ABI3BP: variants seen among roughly 807,000 people sequenced by gnomAD.
ABI3BP encodes ABI family member 3 binding protein.
A neutral mutation model predicts 268.6 loss-of-function variants in ABI3BP; 216 were observed. The ratio of observed to expected loss-of-function variants is 0.80; its 90% CI spans 0.72 to 0.90. ABI3BP has a LOEUF of 0.90. ABI3BP is among the 40% of genes least tolerant of loss of function. The pLI is 0.00. For synonymous variants in ABI3BP, 730 were observed against 730.0 expected (o/e 1.00, Z 0.00); for missense variants, 2,090 against 2,182.4 (o/e 0.96, Z 0.84).
Position 100,775,243 on chromosome 3 carries a change from T to TTA in ABI3BP, c.4424_4425dup (p.Lys1476Ter). 6.2e-7 allele frequency: 1 copy of TTA among 1,612,096 alleles called. No individual in the cohort carries two copies. Among genetic ancestry groups the TTA allele is most frequent in the Non-Finnish European group, 8.5e-7 (1 of 1,179,072 alleles). On this transcript the variant is annotated frameshift_variant, in exon 60 of 68. Transcript: ENST00000471714. LOFTEE classifies it high-confidence loss of function. ...CCAGAGGCAGGAACTGTTGGTTGCT[T>TTA]TATATCTGTCTCTATTCTCTCCAAG...
chr3:100,769,549 G>A (rs897868835), intron 62 of ABI3BP, among the ~76,000 whole-genome samples: 3 of 152,150 alleles, frequency 2.0e-5, no homozygotes, highest in African/African-American at 2.4e-5. Context: ...TCAATGTTCC[G>A]TATCTTTAAG....
intron 30 of ABI3BP, among the ~76,000 whole-genome samples, chr3:100,832,764 G>GC (rs1471971692): frequency 2.8e-5 from 3 of 106,906 alleles, no homozygotes; most frequent in African/African-American, 1.9e-4. Context: ...CATCAATAAA[G>GC]CAAAAAAAAT....
intron 61 of ABI3BP, among the ~76,000 whole-genome samples, chr3:100,772,542 ATAAAT>A (rs1415571860): frequency 2.6e-5 from 4 of 152,330 alleles, no homozygotes; most frequent in African/African-American, 9.6e-5. Flanking sequence ...GCAGATTGTG[ATAAAT>A]TAAAGATACA....
At chr3:100,780,403 T>C (rs1258875069) in intron 57 of ABI3BP, among the ~76,000 whole-genome samples, 194 bp from the exon 58 acceptor site, 2 of 152,168 alleles carry the variant, frequency 1.3e-5, no homozygotes, top group African/African-American at 4.8e-5. Flanking sequence ...GTTGTGATGT[T>C]TTCTCTGTAG....
Position 100,771,932 on chromosome 3 carries a change from A to G in ABI3BP, c.4532-980T>C, listed in dbSNP as rs550767324. 2.0e-5 allele frequency among the ~76,000 whole-genome samples: 3 copies of G among 152,324 alleles called. No homozygotes were observed. In the South Asian group the frequency reaches 6.2e-4, roughly 32 times the overall value. On this transcript the variant is annotated intron_variant, in intron 61 of 67. Coordinates refer to ENST00000471714, the MANE Select transcript of ABI3BP (RefSeq NM_001375547.2). Reference sequence around the variant, plus strand: ...TCAAAGATACCTAGAAACAACAAAAATGTAGAAAACTATATGCCAGTCATA... The same window carrying G: ...TCAAAGATACCTAGAAACAACAAAAGTGTAGAAAACTATATGCCAGTCATA...
intron 9 of ABI3BP, among the ~76,000 whole-genome samples, chr3:100,871,523 G>A (rs1370060458): frequency 4.6e-5 from 7 of 152,050 alleles, no homozygotes; most frequent in African/African-American, 1.7e-4. Flanking sequence ...GAATCATCAG[G>A]GCAGGTCTTT....
At chr3:100,911,156 T>C (rs1177369121) in intron 2 of ABI3BP, 11 of 388,632 alleles carry the variant, frequency 2.8e-5, no homozygotes, top group Non-Finnish European at 3.0e-5. Flanking sequence ...TCTAAGGCTT[T>C]ATGCTTAATC....
chr3:100,834,326 G>GT (rs1231661354), intron 29 of ABI3BP, among the ~76,000 whole-genome samples: 5 of 152,016 alleles, frequency 3.3e-5, no homozygotes, highest in African/African-American at 9.7e-5. Flanking sequence ...TAAGTCATTT[G>GT]TTTTTTTCTA....
rs1055294681 is a variant in ABI3BP at position 100,926,581 on chromosome 3, A to G, written c.80-100T>C. 2.0e-5 allele frequency: 22 copies of G among 1,117,950 alleles called. No individual in the cohort carries two copies. The Middle Eastern group carries it at 6.1e-4, about 31-fold the overall frequency. The allele number at this position is 1,117,950 out of a possible 1,614,324, so 69.3% of individuals were successfully genotyped here. ...TTGGTGGCTAGAGGCATTGTTCTTG[A>G]AAAACATGTTGTCTACTTTGCTACT... On this transcript the variant is annotated intron_variant, in intron 1 of 67. Coordinates refer to ENST00000471714, the MANE Select transcript of ABI3BP (RefSeq NM_001375547.2).
intron 27 of ABI3BP, among the ~76,000 whole-genome samples, chr3:100,836,121 T>A (rs1399669874): frequency 6.6e-6 from 1 of 152,188 alleles, no homozygotes; most frequent in Non-Finnish European, 1.5e-5. Context: ...GTCTTGTACG[T>A]TTTATTTGTA....
chr3:100,907,994 T>C (rs1326591725), intron 2 of ABI3BP, among the ~76,000 whole-genome samples: 13 of 151,898 alleles, frequency 8.6e-5, no homozygotes. Context: ...TGGGTGCCTG[T>C]TGTCCCAACT....
intron 59 of ABI3BP, among the ~76,000 whole-genome samples, chr3:100,775,886 G>A (rs1316051431): frequency 2.0e-5 from 3 of 152,112 alleles, no homozygotes; most frequent in African/African-American, 7.2e-5. Context: ...GTAGGCAAGA[G>A]AAAGGAAGGT....
Position 100,788,764 on chromosome 3 carries a change from C to T in ABI3BP, c.4087+690G>A, listed in dbSNP as rs114333764. ...ATTATTGTTATAAAGATGCATTCCC[C>T]GAGAACATTCATTCGTAGCAGGTTT... On this transcript the variant is annotated intron_variant, in intron 56 of 67. Transcript: ENST00000471714. 4.3e-3 allele frequency among the ~76,000 whole-genome samples: 649 copies of T among 151,950 alleles called. 6 individuals carry two copies. Among genetic ancestry groups the T allele is most frequent in the Non-Finnish European group, 6.5e-3 (443 of 67,916 alleles).
At chr3:100,977,058 C>T (rs1158196009) in intron 1 of ABI3BP, among the ~76,000 whole-genome samples, 1 of 152,128 alleles carries the variant, frequency 6.6e-6, no homozygotes, top group Non-Finnish European at 1.5e-5. Context: ...CATTTATGCT[C>T]AGTTTTTTTG....
chr3:100,828,293 C>A, intron 34 of ABI3BP, 100 bp downstream of exon 34: 1 of 1,116,396 alleles, frequency 9.0e-7, no homozygotes, highest in Non-Finnish European at 1.3e-6. Flanking sequence ...CATGTTCAAC[C>A]GTTACAAAAC....
chr3:100,931,568 C>G (rs567886514), intron 1 of ABI3BP, among the ~76,000 whole-genome samples: 4 of 151,888 alleles, frequency 2.6e-5, no homozygotes, highest in Non-Finnish European at 4.4e-5. Context: ...AATGTCCAAA[C>G]GAAGGGCCAA....
chr3:100,974,219 AC>A lies in ABI3BP; in HGVS notation c.79+19086del, dbSNP rs533403321. Among the ~76,000 whole-genome samples, 48 of 152,344 alleles carry A rather than the reference AC, an allele frequency of 3.2e-4. 1 individual carries two copies. The South Asian group carries it at 8.9e-3, about 28-fold the overall frequency. ...AGTTTGATGTTTCTTATAAACAAAC[AC>A]TTAATATATGACAAAAAGCAATCTC... On this transcript the variant is annotated intron_variant, in intron 1 of 67. Transcript: ENST00000471714.
intron 6 of ABI3BP, among the ~76,000 whole-genome samples, chr3:100,882,744 C>T (rs575841691): frequency 1.2e-3 from 183 of 152,168 alleles, no homozygotes; most frequent in Middle Eastern, 3.4e-3. Context: ...CTTTCCCAAT[C>T]TTGCTGAGTA....
chr3:100,799,672 CTT>C (rs1292930604), intron 51 of ABI3BP, among the ~76,000 whole-genome samples: 2 of 152,116 alleles, frequency 1.3e-5, no homozygotes, highest in Non-Finnish European at 2.9e-5. Context: ...CTGATTCTCT[CTT>C]ATCTTTTTTG....
Sources: allele counts gnomAD v4.1 joint callset (sites outside exome capture counted in the v4.1 genomes callset), GRCh38; gene constraint gnomAD v4.1.1; transcripts MANE v1.5; gene names NCBI Gene and HGNC (gene_info 2026-07-23, HGNC 2026-07-21).